LMF1: variants seen among roughly 807,000 people sequenced by gnomAD.
LMF1 encodes lipase maturation factor 1, also known as transmembrane protein 112.
Under a neutral mutation model 60.6 loss-of-function variants are expected in LMF1, and 68 were observed. The observed-to-expected ratio is 1.12, with a 90% CI of 0.92 to 1.37. LMF1 has a LOEUF of 1.37. Ranked by LOEUF, LMF1 falls within the 40% of genes most tolerant of loss-of-function variation. The pLI, the probability that LMF1 is intolerant of heterozygous loss-of-function variation, is 0.00. For synonymous variants in LMF1, 418 were observed against 324.7 expected, an observed-to-expected ratio of 1.29 and a Z score of -3.09; for missense variants, 948 against 767.2, an observed-to-expected ratio of 1.24 and a Z score of -2.78.
At chr16:967,589 G>A (rs561289326) in intron 1 of LMF1, among the ~76,000 whole-genome samples, 9 of 152,168 alleles carry the variant, frequency 5.9e-5, no homozygotes, top group African/African-American at 9.7e-5. Context: ...GCTTTTACTC[G>A]TCCAGATTTC....
At chr16:976,934 C>T in intron 1 of LMF1, 1 of 454,156 alleles carries the variant, frequency 2.2e-6, no homozygotes, top group South Asian at 1.6e-5. Flanking sequence ...CCCAGTGTGT[C>T]AGGGGAGTGC....
chr16:886,017 G>A (rs1225103716), intron 5 of LMF1, among the ~76,000 whole-genome samples: 1 of 152,170 alleles, frequency 6.6e-6, no homozygotes, highest in Non-Finnish European at 1.5e-5. Flanking sequence ...GACAATAAAG[G>A]AATTAAATTA....
intron 10 of LMF1, 33 bp downstream of exon 10, chr16:868,911 G>A: frequency 7.3e-7 from 1 of 1,368,106 alleles, no homozygotes; most frequent in Non-Finnish European, 1.0e-6. Context: ...ATTTGGGGGA[G>A]ACCCCTGAGC....
At chr16:888,113 G>A (rs1010912570) in intron 5 of LMF1, among the ~76,000 whole-genome samples, 3 of 152,242 alleles carry the variant, frequency 2.0e-5, no homozygotes, top group African/African-American at 7.2e-5. Context: ...CCACGACGTC[G>A]GCCCAAGCTC....
intron 10 of LMF1, among the ~76,000 whole-genome samples, chr16:859,201 G>C (rs1439877635): frequency 4.0e-5 from 5 of 125,118 alleles, no homozygotes; most frequent in African/African-American, 7.5e-5. Context: ...ACGGGTGTGA[G>C]TGGTGTCTCG....
chr16:928,415 A>T (rs1469156631), intron 3 of LMF1, among the ~76,000 whole-genome samples: 2 of 152,092 alleles, frequency 1.3e-5, no homozygotes, highest in East Asian at 1.9e-4. Flanking sequence ...TACTCCAAGG[A>T]CCCCAAATTC....
chr16:917,146 G>A (rs1197346359), intron 3 of LMF1, among the ~76,000 whole-genome samples: 2 of 152,198 alleles, frequency 1.3e-5, no homozygotes, highest in African/African-American at 4.8e-5. Flanking sequence ...GGGGAACCAG[G>A]CCCAAAGCCA....
At chr16:888,478 C>T (rs2070377589) in intron 5 of LMF1, among the ~76,000 whole-genome samples, 1 of 152,158 alleles carries the variant, frequency 6.6e-6, no homozygotes, top group Non-Finnish European at 1.5e-5. Context: ...TTCTTGATGA[C>T]AGCTGACTTC....
upstream of LMF1, among the ~76,000 whole-genome samples, chr16:973,539 C>CGGGGAGT (rs2073085085): frequency 6.6e-6 from 1 of 151,928 alleles, no homozygotes; most frequent in Non-Finnish European, 1.5e-5. Flanking sequence ...GGTCTGGGGA[C>CGGGGAGT]GGGGAGTGGG....
In LMF1 at chr16:962,205, A is replaced by G. The variant is rs1415302517; in HGVS notation, c.194-7539T>C. On this transcript the variant is annotated intron_variant, in intron 1 of 10. Transcript: ENST00000262301. The surrounding 1 kb of genome is among the most constrained non-coding windows in gnomAD (Gnocchi z 4.5). ...GTGACAGCACGGGATCACGACCCAG[A>G]CACAGACTCACGGTGACAGCATGGG... Among the ~76,000 whole-genome samples the G allele has an allele frequency of 8.3e-6, 1 of 120,724 alleles. No homozygotes were observed. The highest frequency in any genetic ancestry group is 3.4e-5 in the African/African-American group (1 of 29,742). 79.2% of individuals were successfully genotyped at this position (120,724 alleles called of 152,430 possible). A position where few individuals can be genotyped will look rare whatever the true frequency, so the allele number is the denominator to read the frequency against.
chr16:915,133 C>A (rs2071244773), intron 3 of LMF1, among the ~76,000 whole-genome samples: 1 of 152,176 alleles, frequency 6.6e-6, no homozygotes, highest in South Asian at 2.1e-4. Flanking sequence ...GATTTAAAAA[C>A]AGCTAAAGAA....
At chr16:975,515 C>T (rs537173578), upstream of LMF1, among the ~76,000 whole-genome samples, 4 of 152,208 alleles carry the variant, frequency 2.6e-5, no homozygotes, top group East Asian at 1.9e-4. Context: ...CGTTGTGTGT[C>T]GCCAGGCGGT....
At position 962,432 on chromosome 16, in the gene LMF1, G is replaced by C. The variant is rs917971503; in HGVS notation, c.194-7766C>G. ...CTGGACCCAGTGAGCGGCTTCCAGA[G>C]GACAGAGCGGGCGGGAAAGCAGGGA... On this transcript the variant is annotated intron_variant, in intron 1 of 10. Coordinates refer to ENST00000262301, the MANE Select transcript of LMF1 (RefSeq NM_022773.4). The surrounding 1 kb of genome is among the most constrained non-coding windows in gnomAD (Gnocchi z 4.5). 7.3e-5 allele frequency among the ~76,000 whole-genome samples: 11 copies of C among 151,336 alleles called. No homozygotes were observed. The East Asian group carries it at 1.6e-3, about 21-fold the overall frequency.
chr16:892,144 C>T (rs1201588577), intron 5 of LMF1, among the ~76,000 whole-genome samples: 1 of 152,230 alleles, frequency 6.6e-6, no homozygotes, highest in Admixed American at 6.5e-5. Flanking sequence ...CAGCTCCACG[C>T]TTGGAGGCGG....
intron 2 of LMF1, among the ~76,000 whole-genome samples, chr16:947,817 CAG>C (rs2072277551): frequency 6.6e-6 from 1 of 152,038 alleles, no homozygotes. Flanking sequence ...GAGACAACGA[CAG>C]AGTCAGCCAA....
chr16:939,052 A>G (rs2072023664), intron 2 of LMF1, among the ~76,000 whole-genome samples: 1 of 152,260 alleles, frequency 6.6e-6, no homozygotes, highest in African/African-American at 2.4e-5. Flanking sequence ...GGCCTCTTAC[A>G]GATGGATAAA....
intron 10 of LMF1, among the ~76,000 whole-genome samples, chr16:864,139 T>A (rs1035364184): frequency 6.6e-6 from 1 of 152,282 alleles, no homozygotes; most frequent in African/African-American, 2.4e-5. Flanking sequence ...GTGCACACAC[T>A]TAGGATTGCT....
At chr16:939,788 G>T (rs1310977238) in intron 2 of LMF1, among the ~76,000 whole-genome samples, 2 of 152,222 alleles carry the variant, frequency 1.3e-5, no homozygotes, top group African/African-American at 4.8e-5. Context: ...AATTGTTTAA[G>T]AATTAAGTGA....
intron 10 of LMF1, among the ~76,000 whole-genome samples, chr16:861,709 A>G (rs1343562345): frequency 4.6e-5 from 7 of 152,190 alleles, no homozygotes; most frequent in Non-Finnish European, 1.0e-4. Flanking sequence ...TTTCCTACAA[A>G]GACAACGGCG....
Sources: gnomAD v4.1 joint callset for allele counts (sites outside exome capture counted in the v4.1 genomes callset) on GRCh38, gnomAD v4.1.1 for gene constraint, Gnocchi (gnomAD v3.1) non-coding constraint, MANE v1.5 for transcripts, NCBI Gene and HGNC (gene_info 2026-07-23, HGNC 2026-07-21) for gene names.